SYNE2: variants seen among roughly 807,000 people sequenced by gnomAD.
SYNE2 encodes spectrin repeat containing nuclear envelope protein 2, also known as nesprin-2.
In SYNE2, 431 loss-of-function variants were observed where a neutral mutation model predicts 856.3. The observed-to-expected ratio is 0.50, with a 90% CI of 0.47 to 0.55. The LOEUF (loss-of-function observed/expected upper bound fraction) is 0.55, where lower values mean the gene tolerates loss of function less well. Among genes scored for constraint, SYNE2 ranks in the 20% least tolerant of loss-of-function variants. The pLI, the probability that SYNE2 is intolerant of heterozygous loss-of-function variation, is 0.00. For synonymous variants in SYNE2, 2,923 were observed against 2,872.3 expected (o/e 1.02, Z -0.56); for missense variants, 8,129 against 8,023.2 (o/e 1.01, Z -0.50).
At chr14:64,196,259 C>G (rs78395817) in intron 99 of SYNE2, among the ~76,000 whole-genome samples, 3,839 of 152,186 alleles carry the variant, frequency 0.025, 134 homozygotes, top group African/African-American at 0.087. Context: ...AAAATGATAT[C>G]AAGTCTCAGA....
intron 96 of SYNE2, among the ~76,000 whole-genome samples, chr14:64,181,142 G>A (rs951467609): frequency 1.3e-5 from 2 of 151,614 alleles, no homozygotes; most frequent in African/African-American, 4.9e-5. Flanking sequence ...AATACCTTCA[G>A]AACATTGTTA....
intron 67 of SYNE2, 127 bp from the exon 68 acceptor site, chr14:64,120,800 A>T (rs910857397): frequency 1.0e-6 from 1 of 992,656 alleles, no homozygotes; most frequent in African/African-American, 1.7e-5. Context: ...ATATAATTAT[A>T]GCAAATAACA....
chr14:64,150,291 CAAAA>C (rs773488742), intron 84 of SYNE2, among the ~76,000 whole-genome samples: 10 of 35,638 alleles, frequency 2.8e-4, no homozygotes, highest in African/African-American at 5.1e-4. Context: ...GATTCTCTCT[CAAAA>C]AAAAAAAAAA....
intron 1 of SYNE2, among the ~76,000 whole-genome samples, chr14:63,889,786 A>G (rs2095084731): frequency 2.0e-5 from 3 of 151,948 alleles, no homozygotes; most frequent in Admixed American, 2.0e-4. Context: ...CCCGTACTGC[A>G]GTATTTAGTC....
intron 1 of SYNE2, among the ~76,000 whole-genome samples, chr14:63,769,600 T>C (rs1595093251): frequency 2.3e-5 from 3 of 133,152 alleles, no homozygotes; most frequent in African/African-American, 8.6e-5. Flanking sequence ...ACCCGGGAGG[T>C]GGAGTTTGCA....
intron 27 of SYNE2, among the ~76,000 whole-genome samples, chr14:63,999,697 C>A (rs1383542122): frequency 6.6e-6 from 1 of 152,206 alleles, no homozygotes; most frequent in South Asian, 2.1e-4. Flanking sequence ...CTGTGCATTG[C>A]AGTGCATCAT....
intron 1 of SYNE2, among the ~76,000 whole-genome samples, chr14:63,790,437 G>T (rs1887694018): frequency 6.6e-6 from 1 of 152,162 alleles, no homozygotes; most frequent in Non-Finnish European, 1.5e-5. Flanking sequence ...TGAGTTTGTT[G>T]TGGGCTCAAA....
At chr14:64,027,358 GTC>G (rs1213664283) in intron 42 of SYNE2, 124 bp from the exon 43 acceptor site, 1 of 620,982 alleles carries the variant, frequency 1.6e-6, no homozygotes, top group Non-Finnish European at 2.7e-6. Context: ...TATCAAAAGA[GTC>G]TCTGGGAACA....
chr14:64,037,253 G>A (rs2097098238), intron 45 of SYNE2, among the ~76,000 whole-genome samples: 1 of 151,800 alleles, frequency 6.6e-6, no homozygotes. Context: ...AAGGTCTCTG[G>A]TTTTCCTAGG....
rs1363300574 is a variant in SYNE2, at chr14:64,111,848, C to G, written c.12610-1493C>G. On this transcript the variant is annotated intron_variant, in intron 65 of 115. Coordinates refer to ENST00000555002, the MANE Select transcript of SYNE2 (RefSeq NM_182914.3). ...AAAAAGAAAATTAAAACAGTTGAAT[C>G]CAAGCATAGACTTGACTATATATGA... Among the ~76,000 whole-genome samples, 8 of 151,948 alleles carry G rather than the reference C, an allele frequency of 5.3e-5. No homozygotes were observed. In the East Asian group the frequency reaches 1.5e-3, roughly 29 times the overall value.
rs996964446 is a variant in SYNE2 at position 64,215,956 on chromosome 14, G to A, written c.19403-292G>A. The stretch of plus-strand genomic sequence containing the variant: ...TTCTGCCATCTTGGTCCCCAGACCC[G>A]GCCTTGCCACTCAGTGTCCCTACCA... On this transcript the variant is annotated intron_variant, in intron 107 of 115. Coordinates refer to ENST00000555002, the MANE Select transcript of SYNE2 (RefSeq NM_182914.3). 2.0e-5 allele frequency: 27 copies of A among 1,347,218 alleles called. No homozygotes were observed. In the East Asian group the frequency reaches 2.9e-4, roughly 14 times the overall value. 83.5% of individuals were successfully genotyped at this position (1,347,218 alleles called of 1,614,324 possible).
chr14:63,876,494 C>CTT (rs11452526), intron 1 of SYNE2, among the ~76,000 whole-genome samples: 6,609 of 147,050 alleles, frequency 0.045, 178 homozygotes, highest in South Asian at 0.11. Flanking sequence ...AAATATGTTC[C>CTT]TTTTTTTTTT....
intron 6 of SYNE2, among the ~76,000 whole-genome samples, chr14:63,948,701 T>A (rs2096077594): frequency 8.3e-6 from 1 of 120,236 alleles, no homozygotes; most frequent in Non-Finnish European, 1.7e-5. Context: ...TATATATATA[T>A]ATATGTATAT....
In SYNE2 at chr14:63,955,730, G is replaced by A. The variant is rs140737582; in HGVS notation, c.787+815G>A. Among the ~76,000 whole-genome samples the A allele has an allele frequency of 3.3e-3, 509 of 152,222 alleles. 3 individuals are homozygous for A. The highest frequency in any genetic ancestry group is 0.011 in the African/African-American group (465 of 41,544). ...CTATTATAGATTTTACTGATATTAA[G>A]GAATATGTATTATTTTATAAATAAT... On this transcript the variant is annotated intron_variant, in intron 8 of 115. Transcript: ENST00000555002.
intron 103 of SYNE2, 60 bp from the exon 104 acceptor site, chr14:64,211,901 G>T: frequency 6.2e-7 from 1 of 1,612,680 alleles, no homozygotes; most frequent in Non-Finnish European, 8.5e-7. Context: ...TGGCCTTGCT[G>T]TCTGTCTGAA....
At chr14:63,964,952 T>C (rs1042757408) in intron 10 of SYNE2, among the ~76,000 whole-genome samples, 1 of 151,824 alleles carries the variant, frequency 6.6e-6, no homozygotes, top group African/African-American at 2.4e-5. Flanking sequence ...TTACCACATA[T>C]TGAACATTTC....
At position 64,190,126 on chromosome 14, in the gene SYNE2, T is replaced by C. The variant is rs2098511282; in HGVS notation, c.17927T>C (p.Met5976Thr). The C allele has an allele frequency of 1.9e-6, 3 of 1,614,040 alleles. No individual in the cohort carries two copies. Among genetic ancestry groups the C allele is most frequent in the Non-Finnish European group, 1.7e-6 (2 of 1,180,034 alleles). The change falls in exon 99 of 116, where the codon ATG becomes ACG. Residue 5976 changes from methionine (M) to threonine (T), a missense_variant. Transcript: ENST00000555002. ...GAAAACAAGTTACAGTTAAAGCAGA[T>C]GGGTGACCAGTTGATCAAGGCCAGC... ...FSENKLQLKQ[M>T]GDQLIKASNK... is the part of the protein sequence containing the mutation.
intron 31 of SYNE2, among the ~76,000 whole-genome samples, chr14:64,008,985 T>C (rs2096822593): frequency 6.6e-6 from 1 of 152,130 alleles, no homozygotes; most frequent in South Asian, 2.1e-4. Flanking sequence ...CAGAATTCCA[T>C]TTGGGTACAC....
chr14:63,837,226 A>G (rs1312467847), intron 1 of SYNE2, among the ~76,000 whole-genome samples: 2 of 152,226 alleles, frequency 1.3e-5, no homozygotes, highest in Non-Finnish European at 2.9e-5. Context: ...TGGTGTTGGG[A>G]CAATTGAATA....
Sources: allele counts gnomAD v4.1 joint callset (sites outside exome capture counted in the v4.1 genomes callset), GRCh38; gene constraint gnomAD v4.1.1; transcripts MANE v1.5; gene names NCBI Gene and HGNC (gene_info 2026-07-23, HGNC 2026-07-21).